The following TACC3 variants were observed in gnomAD, a reference collection of about 807,000 sequenced individuals.
The protein encoded by TACC3 is transforming acidic coiled-coil containing protein 3, also known as transforming acidic coiled-coil-containing protein 3.
TACC3 carries 52 observed loss-of-function variants against 86.0 expected under a neutral mutation model. The ratio of observed to expected loss-of-function variants is 0.60; its 90% CI spans 0.48 to 0.76. The LOEUF is 0.76. Among genes scored for constraint, TACC3 ranks in the 30% least tolerant of loss-of-function variants. The pLI is 0.00. For missense variants in TACC3, 1,120 were observed against 1,070.4 expected, an observed-to-expected ratio of 1.05 and a Z score of -0.65; for synonymous variants, 512 against 430.0, an observed-to-expected ratio of 1.19 and a Z score of -2.36.
intron 3 of TACC3, among the ~76,000 whole-genome samples, chr4:1,724,146 T>C (rs1250283346): frequency 1.3e-5 from 2 of 149,442 alleles, no homozygotes; most frequent in Admixed American, 1.3e-4. Flanking sequence ...TTTTTTTGTA[T>C]TTTTAGTAAA....
intron 6 of TACC3, among the ~76,000 whole-genome samples, chr4:1,734,637 T>C (rs1320719031): frequency 6.6e-6 from 1 of 152,208 alleles, no homozygotes; most frequent in Non-Finnish European, 1.5e-5. Flanking sequence ...AGGGTGTTGA[T>C]CCATTCTGAG....
chr4:1,741,222 C>T, intron 13 of TACC3: 2 of 425,492 alleles, frequency 4.7e-6, no homozygotes, highest in Non-Finnish European at 8.4e-6. Flanking sequence ...TCTGAGCCGT[C>T]CGCTGTTGTG....
At chr4:1,734,027 C>T (rs1718135014) in intron 6 of TACC3, among the ~76,000 whole-genome samples, 1 of 151,998 alleles carries the variant, frequency 6.6e-6, no homozygotes. Flanking sequence ...AGAGAAGGAC[C>T]TACAAGTTTT....
chr4:1,739,538 G>A (rs1577223150), intron 10 of TACC3, 164 bp from the exon 11 acceptor site: 1 of 649,538 alleles, frequency 1.5e-6, no homozygotes, highest in East Asian at 2.8e-5. Flanking sequence ...GGTGGCCTTG[G>A]CCTCGACAGG....
intron 1 of TACC3, among the ~76,000 whole-genome samples, chr4:1,722,111 TC>T (rs1264077381): frequency 6.0e-5 from 9 of 150,456 alleles, no homozygotes; most frequent in African/African-American, 2.2e-4. Flanking sequence ...CGCTCCACCT[TC>T]CCCCCGCACC....
chr4:1,744,895 C>T, intron 15 of TACC3, 53 bp from the exon 16 acceptor site: 1 of 1,611,778 alleles, frequency 6.2e-7, no homozygotes, highest in Non-Finnish European at 8.5e-7. Context: ...GCCCTTGGGC[C>T]TGCTGCTCCC....
At chr4:1,729,337 G>C (rs561879936) in intron 4 of TACC3, among the ~76,000 whole-genome samples, 195 of 152,198 alleles carry the variant, frequency 1.3e-3, no homozygotes, top group African/African-American at 4.6e-3. Context: ...TACAAATAAA[G>C]ACACAAGAAA....
At chr4:1,737,519 G>C (rs78277779) in intron 9 of TACC3, 79 bp from the exon 10 acceptor site, 27,018 of 1,248,340 alleles carry the variant, frequency 0.022, 501 homozygotes, top group South Asian at 0.069. Flanking sequence ...GGCCTGTGTG[G>C]GCCTTTCCTC....
intron 3 of TACC3, among the ~76,000 whole-genome samples, chr4:1,724,934 T>TTTTC (rs1378471727): frequency 6.9e-6 from 1 of 144,878 alleles, no homozygotes; most frequent in African/African-American, 2.6e-5. Flanking sequence ...CCAATTTTTT[T>TTTTC]TTTTTTTTTT....
rs1384373817 is a variant in TACC3 at position 1,723,462 on chromosome 4, A to T, written c.41A>T (p.Glu14Val). The T allele has an allele frequency of 6.2e-7, 1 of 1,613,522 alleles. No individual in the cohort carries two copies. ...TTAAACGACAAAAATGTCAGCAATG[A>T]AAAAAATACAGAAAATTGCGACTTC... ...QVLNDKNVSN[E>V]KNTENCDFLF... is the part of the protein sequence containing the mutation. Residue 14 changes from glutamate (E) to valine (V), a missense_variant, in exon 2 of 16, where the codon GAA (glutamate) becomes GTA (valine). By Grantham distance (121) the Glu-to-Val change is moderately radical. Transcript: ENST00000313288.
chr4:1,724,379 CTTTTTTTTT>C (rs35896374), intron 3 of TACC3, among the ~76,000 whole-genome samples: 2 of 108,384 alleles, frequency 1.8e-5, no homozygotes, highest in African/African-American at 7.9e-5. Flanking sequence ...TCATACTTCA[CTTTTTTTTT>C]TTTTTTTTTT....
Position 1,735,611 on chromosome 4 carries a change from G to T in TACC3, c.1645-120G>T. On this transcript the variant is annotated intron_variant, in intron 7 of 15. Coordinates refer to ENST00000313288, the MANE Select transcript of TACC3 (RefSeq NM_006342.3). The surrounding 1 kb of genome is among the most constrained non-coding windows in gnomAD (Gnocchi z 4.2). ...GTCTCGGGCAGGGTTGTGGGTGACC[G>T]GGGGTGGGAGTGTGCGGGTGACCGG... 1.2e-6 allele frequency: 1 copy of T among 833,752 alleles called. No individual in the cohort carries two copies. Among genetic ancestry groups the T allele is most frequent in the Middle Eastern group, 2.5e-4 (1 of 3,970 alleles). 51.6% of individuals were successfully genotyped at this position (833,752 alleles called of 1,614,324 possible).
chr4:1,727,607 T>G, intron 3 of TACC3, 101 bp from the exon 4 acceptor site: 1 of 1,510,042 alleles, frequency 6.6e-7, no homozygotes, highest in Non-Finnish European at 8.9e-7. Context: ...TCAGCCCTGC[T>G]TCTGGTGTGA....
intron 3 of TACC3, among the ~76,000 whole-genome samples, chr4:1,724,500 C>T (rs1717590445): frequency 6.8e-6 from 1 of 147,618 alleles, no homozygotes; most frequent in African/African-American, 2.5e-5. Flanking sequence ...ATGCCATTCT[C>T]CTGCCTCAGC....
chr4:1,726,376 G>A (rs1015088223), intron 3 of TACC3, among the ~76,000 whole-genome samples: 10 of 152,146 alleles, frequency 6.6e-5, no homozygotes, highest in African/African-American at 2.4e-4. Context: ...GCCAGTCCCC[G>A]ACTTGAAGGG....
chr4:1,726,656 AAATAATGATTATATGACTTAC>A (rs1717703954), intron 3 of TACC3, among the ~76,000 whole-genome samples: 2 of 152,230 alleles, frequency 1.3e-5, no homozygotes, highest in Admixed American at 1.3e-4. Flanking sequence ...ACACAGGCGG[AAATAATGATTATATGACTTAC>A]AGGCCCACAG....
intron 6 of TACC3, among the ~76,000 whole-genome samples, chr4:1,733,419 G>T (rs1577215752): frequency 6.6e-6 from 1 of 152,150 alleles, no homozygotes; most frequent in South Asian, 2.1e-4. Flanking sequence ...ATTTTGCGGG[G>T]CCGAGGCAGG....
intron 13 of TACC3, among the ~76,000 whole-genome samples, chr4:1,744,227 C>T (rs558961173): frequency 6.6e-6 from 1 of 152,326 alleles, no homozygotes; most frequent in South Asian, 2.1e-4. Flanking sequence ...CACTTTCCAG[C>T]AGCACTTGGT....
intron 8 of TACC3, 66 bp from the exon 9 acceptor site, chr4:1,737,175 G>A (rs56173940): frequency 0.029 from 37,769 of 1,318,214 alleles, 718 homozygotes; most frequent in Non-Finnish European, 0.037. Context: ...TTGTCCACAT[G>A]GTCCTCTGTG....
Sources: gnomAD v4.1 joint callset for allele counts (sites outside exome capture counted in the v4.1 genomes callset) on GRCh38, gnomAD v4.1.1 for gene constraint, Gnocchi (gnomAD v3.1) non-coding constraint, MANE v1.5 for transcripts, NCBI Gene and HGNC (gene_info 2026-07-23, HGNC 2026-07-21) for gene names.